Variants in SHB observed in about 807,000 individuals in gnomAD.
SHB encodes the protein SH2 domain-containing adapter protein B.
SHB carries 20 observed loss-of-function variants against 52.3 expected under a neutral mutation model. The ratio of observed to expected loss-of-function variants is 0.38; its 90% CI spans 0.27 to 0.56. SHB has a LOEUF of 0.56. SHB is among the 20% of genes least tolerant of loss of function. The probability of loss-of-function intolerance (pLI) is 0.71; values close to 1 mark genes in which losing one functional copy is unlikely to be tolerated. For missense variants in SHB, 825 were observed against 723.3 expected, an observed-to-expected ratio of 1.14 and a Z score of -1.61; for synonymous variants, 397 against 316.5, an observed-to-expected ratio of 1.25 and a Z score of -2.70.
rs74958696 is a variant in SHB, at chr9:38,000,586, C to T, written c.838+15425G>A. On this transcript the variant is annotated intron_variant, in intron 2 of 5. Transcript: ENST00000377707. Reference sequence around the variant, plus strand: ...TGCTGATTCCCAGGTGGCGCTGTTCCGAGGCCGGGTGGGCTGATTCTGTCT... The same window carrying T: ...TGCTGATTCCCAGGTGGCGCTGTTCTGAGGCCGGGTGGGCTGATTCTGTCT... Among the ~76,000 whole-genome samples, 341 of 152,342 alleles carry T rather than the reference C, an allele frequency of 2.2e-3. 1 individual carries two copies. Among genetic ancestry groups the T allele is most frequent in the East Asian group, 0.013 (70 of 5,190 alleles).
chr9:38,067,743 A>C lies in SHB; in HGVS notation c.717+186T>G, dbSNP rs551199525. 5.3e-5 allele frequency among the ~76,000 whole-genome samples: 8 copies of C among 152,322 alleles called. No individual in the cohort carries two copies. In the South Asian group the frequency reaches 1.7e-3, roughly 32 times the overall value. Reference sequence around the variant, plus strand: ...AAGCAGCGGCGAAAGAGGTGGGGTCAGGAGGCCGCCGGTCCCAGGAAAAGG... The same window carrying C: ...AAGCAGCGGCGAAAGAGGTGGGGTCCGGAGGCCGCCGGTCCCAGGAAAAGG... On this transcript the variant is annotated intron_variant, in intron 1 of 5. Coordinates refer to ENST00000377707, the MANE Select transcript of SHB (RefSeq NM_003028.3).
chr9:37,925,261 T>A (rs1296889606), intron 5 of SHB, among the ~76,000 whole-genome samples: 1 of 152,238 alleles, frequency 6.6e-6, no homozygotes, highest in Admixed American at 6.5e-5. Flanking sequence ...TGTCCCTGAC[T>A]GCAGCCCAGC....
At chr9:37,996,502 C>T (rs1354495460) in intron 2 of SHB, among the ~76,000 whole-genome samples, 1 of 152,194 alleles carries the variant, frequency 6.6e-6, no homozygotes, top group Non-Finnish European at 1.5e-5. Flanking sequence ...AGCAGCAGTT[C>T]TTTAAAAAAA....
intron 3 of SHB, among the ~76,000 whole-genome samples, chr9:37,967,782 T>A (rs1820543738): frequency 6.6e-6 from 1 of 152,254 alleles, no homozygotes; most frequent in South Asian, 2.1e-4. Flanking sequence ...GTGATTCTGA[T>A]GCCTTCAAGT....
At chr9:37,929,812 G>C (rs7027227) in intron 5 of SHB, among the ~76,000 whole-genome samples, 21,697 of 152,306 alleles carry the variant, frequency 0.14, 1,707 homozygotes, top group African/African-American at 0.22. Context: ...CACATGAAAA[G>C]AGAAAAGGAA....
At chr9:38,033,233 G>A (rs1215911801) in intron 1 of SHB, among the ~76,000 whole-genome samples, 1 of 152,156 alleles carries the variant, frequency 6.6e-6, no homozygotes, top group Non-Finnish European at 1.5e-5. Flanking sequence ...GGGCATCTGG[G>A]AATAATTTAA....
chr9:37,998,669 C>T (rs1312410997), intron 2 of SHB, among the ~76,000 whole-genome samples: 1 of 152,158 alleles, frequency 6.6e-6, no homozygotes, highest in East Asian at 1.9e-4. Flanking sequence ...CCTAGGTTAG[C>T]CTCAAACTCT....
chr9:38,051,311 C>CGG (rs777997438), intron 1 of SHB, among the ~76,000 whole-genome samples: 5,229 of 151,996 alleles, frequency 0.034, 124 homozygotes, highest in Non-Finnish European at 0.052. Flanking sequence ...GGCATGGTGG[C>CGG]GCATGCCTGT....
At chr9:38,060,667 G>A (rs992046881) in intron 1 of SHB, among the ~76,000 whole-genome samples, 1 of 152,200 alleles carries the variant, frequency 6.6e-6, no homozygotes, top group African/African-American at 2.4e-5. Flanking sequence ...TAATATTACT[G>A]TAGTGGAAAA....
At chr9:37,973,618 C>T (rs1221550982) in intron 3 of SHB, among the ~76,000 whole-genome samples, 1 of 152,186 alleles carries the variant, frequency 6.6e-6, no homozygotes, top group Non-Finnish European at 1.5e-5. Context: ...GATGCACATG[C>T]CCAAGATCAC....
chr9:37,956,730 C>G (rs1385362224), intron 3 of SHB, among the ~76,000 whole-genome samples: 1 of 152,188 alleles, frequency 6.6e-6, no homozygotes, highest in East Asian at 1.9e-4. Flanking sequence ...GGAGACACCA[C>G]AAAGAGCAGA....
intron 4 of SHB, among the ~76,000 whole-genome samples, chr9:37,949,246 A>C (rs751002520): frequency 6.6e-6 from 1 of 151,922 alleles, no homozygotes; most frequent in Non-Finnish European, 1.5e-5. Flanking sequence ...TACAAAAATT[A>C]GCCGGGCGTG....
At chr9:37,968,945 TAGG>T (rs1357151805) in intron 3 of SHB, among the ~76,000 whole-genome samples, 2 of 152,098 alleles carry the variant, frequency 1.3e-5, no homozygotes, top group Non-Finnish European at 2.9e-5. Context: ...TGAGTGGTGG[TAGG>T]AGAAGACCAA....
Position 38,068,501 on chromosome 9 carries a change from A to C in SHB, c.145T>G (p.Ser49Ala), listed in dbSNP as rs1396493808. ...QPPQAVPQAS[S>A]AASASCGPAT... is the part of the protein sequence containing the mutation. ...GGACCGCAGGACGCCGAGGCGGCGG[A>C]GGAGGCCTGCGGCACGGCCTGGGGG... Residue 49 changes from serine (S) to alanine (A), a missense_variant, in exon 1 of 6, where the codon TCC becomes GCC. Ser to Ala is a moderately conservative substitution (Grantham distance 99). Transcript: ENST00000377707. The C allele has an allele frequency of 6.0e-6, 9 of 1,492,956 alleles. No individual in the cohort carries two copies. Among genetic ancestry groups the C allele is most frequent in the South Asian group, 3.8e-5 (3 of 79,010 alleles). 92.5% of individuals were successfully genotyped at this position (1,492,956 alleles called of 1,614,324 possible).
intron 2 of SHB, among the ~76,000 whole-genome samples, chr9:37,980,827 C>T (rs770366145): frequency 4.6e-5 from 7 of 152,162 alleles, no homozygotes; most frequent in Non-Finnish European, 8.8e-5. Context: ...CCTCGTACAT[C>T]CCCAGCTGAG....
intron 3 of SHB, among the ~76,000 whole-genome samples, chr9:37,966,524 C>T (rs1289202952): frequency 2.0e-5 from 3 of 152,156 alleles, no homozygotes; most frequent in Non-Finnish European, 4.4e-5. Context: ...CACTGAAACC[C>T]CCCTTTCCTG....
chr9:38,059,254 T>C (rs368835765), intron 1 of SHB, among the ~76,000 whole-genome samples: 1,942 of 19,136 alleles, frequency 0.1, 11 homozygotes, highest in East Asian at 0.19. Flanking sequence ...CCCACCCACC[T>C]GTCGAGTCAC....
chr9:37,970,234 G>C (rs1013150154), intron 3 of SHB, among the ~76,000 whole-genome samples: 5 of 152,182 alleles, frequency 3.3e-5, no homozygotes, highest in African/African-American at 1.2e-4. Flanking sequence ...GAACACCCAG[G>C]GTTTGCTGTT....
intron 1 of SHB, among the ~76,000 whole-genome samples, chr9:38,057,212 A>G (rs529934105): frequency 6.6e-6 from 1 of 152,342 alleles, no homozygotes; most frequent in Non-Finnish European, 1.5e-5. Flanking sequence ...ATTAAATTAC[A>G]GTTGTTAAAT....
Sources: allele counts gnomAD v4.1 joint callset (sites outside exome capture counted in the v4.1 genomes callset), GRCh38; gene constraint gnomAD v4.1.1; transcripts MANE v1.5; gene names NCBI Gene and HGNC (gene_info 2026-07-23, HGNC 2026-07-21).